TUSC3: variants seen among roughly 807,000 people sequenced by gnomAD.
TUSC3 encodes dolichyl-diphosphooligosaccharide--protein glycosyltransferase subunit TUSC3.
In TUSC3, 45 loss-of-function variants were observed where a neutral mutation model predicts 44.8. The ratio of observed to expected loss-of-function variants is 1.00; its 90% CI spans 0.79 to 1.29. The LOEUF (loss-of-function observed/expected upper bound fraction) is 1.29, where lower values mean the gene tolerates loss of function less well. TUSC3 is among the 50% of genes most tolerant of loss of function. TUSC3 has a pLI of 0.00. For synonymous variants in TUSC3, 212 were observed against 152.9 expected, an observed-to-expected ratio of 1.39 and a Z score of -2.85; for missense variants, 519 against 437.9, an observed-to-expected ratio of 1.19 and a Z score of -1.65.
upstream of TUSC3, among the ~76,000 whole-genome samples, chr8:15,537,586 G>A (rs929730766): frequency 6.6e-6 from 1 of 152,194 alleles, no homozygotes; most frequent in Non-Finnish European, 1.5e-5. Flanking sequence ...GACATCTCAT[G>A]TGTTTCTAAT....
At chr8:15,665,857 A>G (rs7838101) in intron 5 of TUSC3, among the ~76,000 whole-genome samples, 84,711 of 150,878 alleles carry the variant, frequency 0.56, 23,858 homozygotes, top group East Asian at 0.7. Flanking sequence ...TTTGTTAACT[A>G]CTATTTATAG....
At chr8:15,690,594 G>T (rs920252240) in intron 6 of TUSC3, among the ~76,000 whole-genome samples, 1 of 152,038 alleles carries the variant, frequency 6.6e-6, no homozygotes, top group African/African-American at 2.4e-5. Context: ...CTCCAGAATG[G>T]TATTTCCTGT....
chr8:15,664,608 G>A (rs1585207102), intron 5 of TUSC3, among the ~76,000 whole-genome samples: 1 of 149,450 alleles, frequency 6.7e-6, no homozygotes, highest in East Asian at 2.0e-4. Context: ...AAAGGCTGCA[G>A]AGAACAGACA....
At chr8:15,768,520 C>A (rs932132659), downstream of TUSC3, among the ~76,000 whole-genome samples, 2 of 152,074 alleles carry the variant, frequency 1.3e-5, no homozygotes, top group Admixed American at 6.6e-5. Context: ...TTAATGTCTT[C>A]AACCTACTCA....
chr8:15,632,987 A>G (rs1211028629), intron 2 of TUSC3, among the ~76,000 whole-genome samples: 3 of 152,162 alleles, frequency 2.0e-5, no homozygotes, highest in African/African-American at 7.2e-5. Context: ...TTCGTAGGAA[A>G]TGATATTTAG....
At chr8:15,617,732 T>G (rs1374785970) in intron 1 of TUSC3, among the ~76,000 whole-genome samples, 1 of 152,240 alleles carries the variant, frequency 6.6e-6, no homozygotes, top group Non-Finnish European at 1.5e-5. Context: ...TCCAAAGTTA[T>G]GTTTACGTTA....
At chr8:15,824,399 G>C in the TUSC3 span, among the ~76,000 whole-genome samples, 2 of 152,084 alleles carry the variant, frequency 1.3e-5, no homozygotes, top group African/African-American at 4.8e-5. Flanking sequence ...TACAAACTTG[G>C]TGCTAGGACT....
chr8:15,805,827 G>A, the TUSC3 span, among the ~76,000 whole-genome samples: 2 of 152,084 alleles, frequency 1.3e-5, no homozygotes, highest in South Asian at 2.1e-4. Flanking sequence ...TGGCTTGATA[G>A]AATGAGTTAG....
At chr8:15,505,654 G>C (rs565554462) in intron 2 of TUSC3, among the ~76,000 whole-genome samples, 56 of 152,266 alleles carry the variant, frequency 3.7e-4, no homozygotes, top group African/African-American at 1.3e-3. Flanking sequence ...TGATTCAGCA[G>C]GTCTGAAGTG....
intron 1 of TUSC3, among the ~76,000 whole-genome samples, chr8:15,471,699 C>T (rs962836447): frequency 6.6e-6 from 1 of 151,242 alleles, no homozygotes; most frequent in Non-Finnish European, 1.5e-5. Context: ...CTCACTGCAA[C>T]CTCCGCCCTC....
chr8:15,739,408 C>T (rs997001835), intron 7 of TUSC3, among the ~76,000 whole-genome samples: 1 of 152,060 alleles, frequency 6.6e-6, no homozygotes, highest in African/African-American at 2.4e-5. Context: ...TTTTGACATG[C>T]TGAAATCTTA....
At position 15,501,752 on chromosome 8, in the gene TUSC3, T is replaced by C. The variant is rs1800969694; in HGVS notation, n.189+18269T>C. Among the ~76,000 whole-genome samples the C allele has an allele frequency of 2.0e-5, 3 of 152,228 alleles. No individual in the cohort carries two copies. In the South Asian group the frequency reaches 6.2e-4, roughly 31 times the overall value. ...GTGATAGATAACACTTACTGAGTGC[T>C]TAATGTATATCTAACAGGATGCTGA... On this transcript the variant is annotated intron_variant and non_coding_transcript_variant, in intron 2 of 5. Coordinates refer to the TUSC3 transcript ENST00000503191.
At chr8:15,644,342 A>G (rs922879681) in intron 2 of TUSC3, among the ~76,000 whole-genome samples, 1 of 152,216 alleles carries the variant, frequency 6.6e-6, no homozygotes, top group African/African-American at 2.4e-5. Flanking sequence ...CACTACATTC[A>G]TGAAGTTAGG....
At chr8:15,556,567 A>C (rs1407719333) in intron 1 of TUSC3, among the ~76,000 whole-genome samples, 2 of 148,898 alleles carry the variant, frequency 1.3e-5, no homozygotes, top group East Asian at 4.1e-4. Flanking sequence ...TAGATCCCTG[A>C]GGAATCGCCA....
At chr8:15,520,004 C>G (rs1019990602) in intron 2 of TUSC3, among the ~76,000 whole-genome samples, 1 of 152,196 alleles carries the variant, frequency 6.6e-6, no homozygotes, top group Admixed American at 6.5e-5. Flanking sequence ...CTCTTAAAAA[C>G]TGCCACTTCA....
intron 1 of TUSC3, among the ~76,000 whole-genome samples, chr8:15,466,913 T>C (rs1020269552): frequency 3.9e-5 from 6 of 152,124 alleles, no homozygotes; most frequent in African/African-American, 1.4e-4. Context: ...CGTCCTTTTA[T>C]GTAAAAGATT....
intron 1 of TUSC3, among the ~76,000 whole-genome samples, chr8:15,544,785 T>C (rs997007098): frequency 6.6e-6 from 1 of 151,792 alleles, no homozygotes; most frequent in African/African-American, 2.4e-5. Flanking sequence ...TGCATTGATA[T>C]GTACGCATAT....
chr8:15,634,669 C>G (rs1805982480), intron 2 of TUSC3, among the ~76,000 whole-genome samples: 1 of 152,136 alleles, frequency 6.6e-6, no homozygotes, highest in African/African-American at 2.4e-5. Context: ...AGGTGGTTCT[C>G]AAAGACAAAA....
intron 6 of TUSC3, among the ~76,000 whole-genome samples, chr8:15,700,238 A>T (rs911985418): frequency 6.6e-6 from 1 of 152,172 alleles, no homozygotes; most frequent in African/African-American, 2.4e-5. Context: ...TCACACTTCA[A>T]GTCATTTATT....
Sources: gnomAD v4.1 joint callset for allele counts (sites outside exome capture counted in the v4.1 genomes callset) on GRCh38, gnomAD v4.1.1 for gene constraint, MANE v1.5 for transcripts, NCBI Gene and HGNC (gene_info 2026-07-23, HGNC 2026-07-21) for gene names.